Variants in ITPKA observed in about 807,000 individuals in gnomAD.
The protein encoded by ITPKA is IP3 3-kinase A.
ITPKA carries 16 observed loss-of-function variants against 40.7 expected under a neutral mutation model. The ratio of observed to expected loss-of-function variants is 0.39; its 90% CI spans 0.27 to 0.60. ITPKA has a LOEUF of 0.60. Among genes scored for constraint, ITPKA ranks in the 20% least tolerant of loss-of-function variants. ITPKA has a pLI of 0.50. For missense variants in ITPKA, 540 were observed against 649.3 expected (o/e 0.83, Z 1.83); for synonymous variants, 313 against 289.9 (o/e 1.08, Z -0.81).
At position 41,494,992 on chromosome 15, in the gene ITPKA, C is replaced by A. The variant is rs995115817; in HGVS notation, c.489+576C>A. Among the ~76,000 whole-genome samples, 6 of 152,180 alleles carry A rather than the reference C, an allele frequency of 3.9e-5. No homozygotes were observed. The highest frequency in any genetic ancestry group is 8.8e-5 in the Non-Finnish European group (6 of 68,032). ...CTGGGAGCTCTGGCTGGGAGCGGAA[C>A]GCAGCCCACCCAGTGCGCGCCCTGC... On this transcript the variant is annotated intron_variant, in intron 1 of 6. Transcript: ENST00000260386. The surrounding 1 kb of genome is among the most constrained non-coding windows in gnomAD (Gnocchi z 7.8).
chr15:41,497,755 C>T (rs1443239525), intron 1 of ITPKA, among the ~76,000 whole-genome samples: 5 of 152,112 alleles, frequency 3.3e-5, no homozygotes, highest in African/African-American at 1.2e-4. Context: ...AGCAGTGGCT[C>T]ACACTTGTAA....
At chr15:41,500,440 CTG>C (rs1169876973) in intron 1 of ITPKA, among the ~76,000 whole-genome samples, 1 of 152,184 alleles carries the variant, frequency 6.6e-6, no homozygotes, top group Non-Finnish European at 1.5e-5. Context: ...TGCCCTGGGC[CTG>C]TGTACAGGTT....
chr15:41,501,008 GAAAAAAAA>G (rs11366854), intron 1 of ITPKA, among the ~76,000 whole-genome samples: 6 of 58,182 alleles, frequency 1.0e-4, no homozygotes, highest in East Asian at 8.3e-4. Flanking sequence ...GACTCCATCT[GAAAAAAAA>G]AAAAAAAAAA....
At position 41,494,155 on chromosome 15, in the gene ITPKA, C is replaced by A. The variant is rs2051053060; in HGVS notation, c.228C>A (p.Ala76=). Residue 76 remains alanine (A), a synonymous_variant, in exon 1 of 7, where the codon GCC becomes GCA. Coordinates refer to ENST00000260386, the MANE Select transcript of ITPKA (RefSeq NM_002220.3). This position sits in a 1 kb window ranked among gnomAD's most constrained non-coding sequence, Gnocchi z 7.8. ...ACGGGCTTCCGCGGGCTCCCCCGGC[C>A]CCGGTGATCCCTCAGCTGACCGTGA... ...VPNGLPRAPP[A]PVIPQLTVTA... 2.0e-6 allele frequency: 3 copies of A among 1,476,016 alleles called. No individual in the cohort carries two copies. The African/African-American group carries it at 4.4e-5, about 22-fold the overall frequency. The allele number at this position is 1,476,016 out of a possible 1,614,324, so 91.4% of individuals were successfully genotyped here. A position where few individuals can be genotyped will look rare whatever the true frequency, so the allele number is the denominator to read the frequency against.
At position 41,502,980 on chromosome 15, in the gene ITPKA, C is replaced by T. The variant is rs2051132554; in HGVS notation, c.1200C>T (p.Leu400=). ...FRRHEVIGSS[L]LFVHDHCHRA... ...GCTCGCAGGTGATCGGCAGCTCGCT[C>T]CTCTTTGTGCACGATCACTGCCATC... Residue 400 remains leucine (L), a synonymous_variant, in exon 7 of 7, where the codon CTC becomes CTT. Transcript: ENST00000260386. The T allele has an allele frequency of 1.9e-6, 3 of 1,603,444 alleles. No homozygotes were observed. The highest frequency in any genetic ancestry group is 1.7e-5 in the Admixed American group (1 of 59,242).
rs1413366172 is a variant in ITPKA, at chr15:41,494,038, C to T, written c.111C>T (p.Leu37=). 1 of 1,209,826 alleles carries T rather than the reference C, an allele frequency of 8.3e-7. No individual in the cohort carries two copies. The highest frequency in any genetic ancestry group is 1.0e-6 in the Non-Finnish European group (1 of 974,990). 74.9% of individuals were successfully genotyped at this position (1,209,826 alleles called of 1,614,324 possible). A position where few individuals can be genotyped will look rare whatever the true frequency, so the allele number is the denominator to read the frequency against. ...GGAGTGTCGGGGAGCTGCGCCTGCT[C>T]TTCGAGGCGCGCTGTGCGGCGGTCG... ...PRRSVGELRL[L]FEARCAAVAA... The change falls in exon 1 of 7, where the codon CTC becomes CTT. Residue 37 remains leucine, a synonymous_variant. Transcript: ENST00000260386. This position sits in a 1 kb window ranked among gnomAD's most constrained non-coding sequence, Gnocchi z 7.8.
chr15:41,499,752 TG>T (rs2051097510), intron 1 of ITPKA, among the ~76,000 whole-genome samples: 2 of 152,056 alleles, frequency 1.3e-5, no homozygotes, highest in South Asian at 4.1e-4. Context: ...AGCCAACCTG[TG>T]TACTTCAGAG....
rs2140677203 is a variant in ITPKA, at chr15:41,501,460, C to T, written c.490-3C>T. On this transcript the variant is annotated splice_polypyrimidine_tract_variant and splice_region_variant and intron_variant, in intron 1 of 6. Coordinates refer to ENST00000260386, the MANE Select transcript of ITPKA (RefSeq NM_002220.3). ...TATCAGACCTTGACCCTGTCGCTTTCAGAAAAACCACTGGCAGAAGATCCG... is the reference window on the plus strand; with the variant it reads ...TATCAGACCTTGACCCTGTCGCTTTTAGAAAAACCACTGGCAGAAGATCCG... The T allele has an allele frequency of 1.2e-6, 2 of 1,605,442 alleles. No homozygotes were observed. Among genetic ancestry groups the T allele is most frequent in the Non-Finnish European group, 8.5e-7 (1 of 1,176,668 alleles).
In ITPKA at chr15:41,502,111, G is replaced by T; in HGVS notation, c.918G>T (p.Ala306=). Residue 306 remains alanine, a synonymous_variant, in exon 4 of 7, where the codon GCG becomes GCT. Transcript: ENST00000260386. ...AAGCTCCCACGGAGGAGGAGCACGC[G>T]CAGCGCGCCGTCACCAAGCCGCGCT... ...DPEAPTEEEH[A]QRAVTKPRYM... 6.2e-7 allele frequency: 1 copy of T among 1,611,416 alleles called. No homozygotes were observed. The highest frequency in any genetic ancestry group is 8.5e-7 in the Non-Finnish European group (1 of 1,179,348).
At chr15:41,495,661 G>C (rs1194948671) in intron 1 of ITPKA, among the ~76,000 whole-genome samples, 2 of 152,252 alleles carry the variant, frequency 1.3e-5, no homozygotes, top group Non-Finnish European at 1.5e-5. Context: ...TCGTTTCTGG[G>C]GTAACCCTTG....
At chr15:41,496,002 G>T (rs1293934958) in intron 1 of ITPKA, among the ~76,000 whole-genome samples, 1 of 152,252 alleles carries the variant, frequency 6.6e-6, no homozygotes, top group Non-Finnish European at 1.5e-5. Flanking sequence ...GTCGGGAGCC[G>T]GTGCAAATCG....
At position 41,494,096 on chromosome 15, in the gene ITPKA, C is replaced by T. The variant is rs758741387; in HGVS notation, c.169C>T (p.Arg57Cys). Residue 57 changes from arginine to cysteine, a missense_variant, in exon 1 of 7, where the codon CGC becomes TGC. Transcript: ENST00000260386. This position sits in a 1 kb window ranked among gnomAD's most constrained non-coding sequence, Gnocchi z 7.8. Reference protein sequence around the residue: ...AAAAAGEPRARGAKRRGGQVP... With the variant: ...AAAAAGEPRACGAKRRGGQVP... Reference sequence around the variant, plus strand: ...CGCCGCCGCGGGGGAGCCCCGGGCCCGCGGGGCCAAGCGGCGTGGGGGACA... The same window carrying T: ...CGCCGCCGCGGGGGAGCCCCGGGCCTGCGGGGCCAAGCGGCGTGGGGGACA... 2.3e-6 allele frequency: 3 copies of T among 1,289,550 alleles called. No homozygotes were observed. The highest frequency in any genetic ancestry group is 2.4e-5 in the South Asian group (1 of 41,612). The allele number at this position is 1,289,550 out of a possible 1,614,324, so 79.9% of individuals were successfully genotyped here.
chr15:41,499,681 A>T lies in ITPKA; in HGVS notation c.490-1782A>T, dbSNP rs1333817209. Among the ~76,000 whole-genome samples, 3 of 152,164 alleles carry T rather than the reference A, an allele frequency of 2.0e-5. No homozygotes were observed. In the East Asian group the frequency reaches 5.8e-4, roughly 29 times the overall value. ...AGGTGTATTCCTCTGGGGGTACAAC[A>T]TGTGTAACTGTGCTAAAAGGCAAGT... On this transcript the variant is annotated intron_variant, in intron 1 of 6. Coordinates refer to ENST00000260386, the MANE Select transcript of ITPKA (RefSeq NM_002220.3).
At position 41,502,112 on chromosome 15, in the gene ITPKA, C is replaced by G. The variant is rs993563205; in HGVS notation, c.919C>G (p.Gln307Glu). The G allele has an allele frequency of 1.9e-6, 3 of 1,611,352 alleles. No homozygotes were observed. The African/African-American group carries it at 4.0e-5, about 22-fold the overall frequency. The change falls in exon 4 of 7, where the codon CAG (glutamine) becomes GAG (glutamate). Residue 307 changes from glutamine to glutamate, a missense_variant. Coordinates refer to ENST00000260386, the MANE Select transcript of ITPKA (RefSeq NM_002220.3). ...PEAPTEEEHA[Q>E]RAVTKPRYMQ... Reference sequence around the variant, plus strand: ...AGCTCCCACGGAGGAGGAGCACGCGCAGCGCGCCGTCACCAAGCCGCGCTA... The same window carrying G: ...AGCTCCCACGGAGGAGGAGCACGCGGAGCGCGCCGTCACCAAGCCGCGCTA...
Position 41,494,069 on chromosome 15 carries a change from G to A in ITPKA, c.142G>A (p.Ala48Thr). ...GGCGCGCTGTGCGGCGGTCGCTGCGGCCGCCGCCGCGGGGGAGCCCCGGGC... is the reference window on the plus strand; with the variant it reads ...GGCGCGCTGTGCGGCGGTCGCTGCGACCGCCGCCGCGGGGGAGCCCCGGGC... The part of the protein sequence containing the change: ...FEARCAAVAA[A>T]AAAGEPRARG... The change falls in exon 1 of 7, where the codon GCC (alanine) becomes ACC (threonine). Residue 48 changes from alanine to threonine, a missense_variant. Coordinates refer to ENST00000260386, the MANE Select transcript of ITPKA (RefSeq NM_002220.3). The surrounding 1 kb of genome is among the most constrained non-coding windows in gnomAD (Gnocchi z 7.8). 8.1e-7 allele frequency: 1 copy of A among 1,240,944 alleles called. No individual in the cohort carries two copies. Among genetic ancestry groups the A allele is most frequent in the Non-Finnish European group, 1.0e-6 (1 of 994,418 alleles). The allele number at this position is 1,240,944 out of a possible 1,614,324, so 76.9% of individuals were successfully genotyped here. A position where few individuals can be genotyped will look rare whatever the true frequency, so the allele number is the denominator to read the frequency against.
chr15:41,503,213 G>C lies in ITPKA; in HGVS notation c.*47G>C. ...GGCCGCTCACCTGACATGTGGACCT[G>C]CAGCTTTGTCCCCACTGTGCATGCC... On this transcript the variant is annotated 3_prime_UTR_variant, in exon 7 of 7. Transcript: ENST00000260386. 1 of 1,396,688 alleles carries C rather than the reference G, an allele frequency of 7.2e-7. No individual in the cohort carries two copies. The highest frequency in any genetic ancestry group is 9.8e-7 in the Non-Finnish European group (1 of 1,017,920). 86.5% of individuals were successfully genotyped at this position (1,396,688 alleles called of 1,614,324 possible). A position where few individuals can be genotyped will look rare whatever the true frequency, so the allele number is the denominator to read the frequency against.
intron 1 of ITPKA, among the ~76,000 whole-genome samples, chr15:41,500,964 GC>G (rs1196730209): frequency 1.6e-4 from 22 of 139,314 alleles, no homozygotes; most frequent in African/African-American, 6.0e-4. Context: ...AGGCCAGATC[GC>G]GCCACTGCAC....
rs1394600433 is a variant in ITPKA, at chr15:41,503,185, G to C, written c.*19G>C. 30 of 1,541,474 alleles carry C rather than the reference G, an allele frequency of 1.9e-5. No individual in the cohort carries two copies. Among genetic ancestry groups the C allele is most frequent in the Non-Finnish European group, 2.6e-5 (30 of 1,133,148 alleles). On this transcript the variant is annotated 3_prime_UTR_variant, in exon 7 of 7. Transcript: ENST00000260386. ...GAGATGAGGCTGGACTCCTGTCCCC[G>C]CGGGCCGCTCACCTGACATGTGGAC... is the stretch of plus-strand genomic sequence containing the variant.
chr15:41,499,876 A>G (rs1272147356), intron 1 of ITPKA, among the ~76,000 whole-genome samples: 1 of 151,222 alleles, frequency 6.6e-6, no homozygotes, highest in South Asian at 2.1e-4. Context: ...AAAAACAAAA[A>G]CAAAAAACAA....
Sources: allele counts gnomAD v4.1 joint callset (sites outside exome capture counted in the v4.1 genomes callset), GRCh38; gene constraint gnomAD v4.1.1; non-coding constraint Gnocchi (gnomAD v3.1); transcripts MANE v1.5; gene names NCBI Gene and HGNC (gene_info 2026-07-23, HGNC 2026-07-21).